The following ADAMTS17 variants were observed in gnomAD, a reference collection of about 807,000 sequenced individuals.
The protein encoded by ADAMTS17 is ADAM metallopeptidase with thrombospondin type 1 motif 17.
In ADAMTS17, 113 loss-of-function variants were observed where a neutral mutation model predicts 141.5. The ratio of observed to expected loss-of-function variants is 0.80; its 90% CI spans 0.69 to 0.93. ADAMTS17 has a LOEUF of 0.93. ADAMTS17 is among the 40% of genes least tolerant of loss of function. The probability of loss-of-function intolerance (pLI) is 0.00; values close to 1 mark genes in which losing one functional copy is unlikely to be tolerated. For missense variants in ADAMTS17, 1,659 were observed against 1,517.9 expected, an observed-to-expected ratio of 1.09 and a Z score of -1.54; for synonymous variants, 768 against 630.6, an observed-to-expected ratio of 1.22 and a Z score of -3.27.
In ADAMTS17 at chr15:100,261,648, CAG is replaced by C; in HGVS notation, c.874-14_874-13del. The C allele has an allele frequency of 1.9e-6, 3 of 1,612,674 alleles. No homozygotes were observed. The highest frequency in any genetic ancestry group is 1.3e-5 in the African/African-American group (1 of 75,018). On this transcript the variant is annotated splice_polypyrimidine_tract_variant and intron_variant, in intron 5 of 21. Coordinates refer to ENST00000268070, the MANE Select transcript of ADAMTS17 (RefSeq NM_139057.4). Reference sequence around the variant, plus strand: ...ATGGACAACTTAGCCTAAAAAAAGTCAGAGGACAGTTAGAGAAACAAACGCCT... The same window carrying C: ...ATGGACAACTTAGCCTAAAAAAAGTCAGGACAGTTAGAGAAACAAACGCCT...
At chr15:100,193,712 C>G (rs2041007351) in intron 8 of ADAMTS17, among the ~76,000 whole-genome samples, 1 of 152,232 alleles carries the variant, frequency 6.6e-6, no homozygotes, top group African/African-American at 2.4e-5. Context: ...ACCATCTACG[C>G]CAAGCTCCCA....
chr15:99,989,027 T>C (rs2117806), intron 20 of ADAMTS17, among the ~76,000 whole-genome samples: 16,156 of 152,240 alleles, frequency 0.11, 2,623 homozygotes, highest in African/African-American at 0.35. Context: ...CAGCCAGGCC[T>C]TGGAGCCCAA....
intron 7 of ADAMTS17, among the ~76,000 whole-genome samples, chr15:100,236,256 GC>G (rs1157901200): frequency 6.9e-6 from 1 of 144,204 alleles, no homozygotes; most frequent in East Asian, 2.0e-4. Context: ...TGAGAGAGGT[GC>G]CCTATATTCA....
chr15:100,107,801 G>T (rs2036499354), intron 14 of ADAMTS17, among the ~76,000 whole-genome samples: 1 of 152,146 alleles, frequency 6.6e-6, no homozygotes, highest in African/African-American at 2.4e-5. Context: ...CCAGCTTCCA[G>T]AACTGTGAGT....
At chr15:100,204,747 C>G (rs145912153) in intron 7 of ADAMTS17, among the ~76,000 whole-genome samples, 5 of 152,274 alleles carry the variant, frequency 3.3e-5, no homozygotes, top group African/African-American at 1.2e-4. Context: ...GCTATAACAT[C>G]AAAAGCACAA....
chr15:100,299,061 C>T (rs368143676), intron 3 of ADAMTS17, among the ~76,000 whole-genome samples: 7 of 152,058 alleles, frequency 4.6e-5, no homozygotes, highest in East Asian at 1.9e-4. Flanking sequence ...CTAAGGACAC[C>T]GGTCATATCA....
chr15:100,267,349 C>T (rs1212817079), intron 4 of ADAMTS17, among the ~76,000 whole-genome samples: 1 of 152,128 alleles, frequency 6.6e-6, no homozygotes, highest in Non-Finnish European at 1.5e-5. Flanking sequence ...TGTATGGACA[C>T]CCCACGTTTT....
At chr15:100,021,201 C>T in intron 18 of ADAMTS17, among the ~76,000 whole-genome samples, 1 of 152,272 alleles carries the variant, frequency 6.6e-6, no homozygotes, top group African/African-American at 2.4e-5. Flanking sequence ...AGCAGGGAGT[C>T]CCACCAGGCC....
intron 7 of ADAMTS17, among the ~76,000 whole-genome samples, chr15:100,205,239 C>T (rs2041490799): frequency 1.3e-5 from 2 of 152,124 alleles, no homozygotes. Flanking sequence ...CTGGAGCAGT[C>T]ACTCCTACAA....
intron 18 of ADAMTS17, among the ~76,000 whole-genome samples, chr15:99,999,424 G>C (rs753124840): frequency 2.0e-5 from 3 of 152,186 alleles, no homozygotes; most frequent in Non-Finnish European, 4.4e-5. Context: ...CATCTCAGGA[G>C]AGCCTGGGAG....
In ADAMTS17 at chr15:99,992,785, G is replaced by A. The variant is rs140665698; in HGVS notation, c.2949+263C>T. On this transcript the variant is annotated intron_variant, in intron 20 of 21. Coordinates refer to ENST00000268070, the MANE Select transcript of ADAMTS17 (RefSeq NM_139057.4). ...GCACCCGCGTCCTGCCTTGGGCTGC[G>A]TTTCGGGTTCCTTCTGCATGCACGT... Among the ~76,000 whole-genome samples, 59 of 152,354 alleles carry A rather than the reference G, an allele frequency of 3.9e-4. 1 individual carries two copies. Among genetic ancestry groups the A allele is most frequent in the Non-Finnish European group, 7.2e-4 (49 of 68,038 alleles).
At chr15:100,188,570 A>C (rs2040807174) in intron 8 of ADAMTS17, among the ~76,000 whole-genome samples, 1 of 152,192 alleles carries the variant, frequency 6.6e-6, no homozygotes, top group Admixed American at 6.5e-5. Flanking sequence ...GTTTCCATAC[A>C]AGTTTGTAAA....
At position 100,022,061 on chromosome 15, in the gene ADAMTS17, C is replaced by G. The variant is rs1005107442; in HGVS notation, c.2592-24472G>C. ...AGAGGCTCAGATCTAGTTCGGGCTC[C>G]CAGGCTAAGTCTTTGTTGACCTTGG... On this transcript the variant is annotated intron_variant, in intron 18 of 21. Transcript: ENST00000268070. Among the ~76,000 whole-genome samples, 8 of 152,286 alleles carry G rather than the reference C, an allele frequency of 5.3e-5. No individual in the cohort carries two copies. The East Asian group carries it at 5.8e-4, about 11-fold the overall frequency.
intron 3 of ADAMTS17, among the ~76,000 whole-genome samples, chr15:100,302,081 C>T (rs2045059517): frequency 1.3e-5 from 2 of 152,160 alleles, no homozygotes; most frequent in Admixed American, 1.3e-4. Context: ...TTCCTCTGTC[C>T]TTCCCCACCC....
intron 8 of ADAMTS17, among the ~76,000 whole-genome samples, chr15:100,169,012 G>A (rs1048827129): frequency 6.6e-6 from 1 of 152,208 alleles, no homozygotes; most frequent in Non-Finnish European, 1.5e-5. Flanking sequence ...CGCGGTGGTG[G>A]TGGGGGCAGG....
At chr15:100,120,914 CA>C (rs1168069040) in intron 12 of ADAMTS17, among the ~76,000 whole-genome samples, 1 of 152,126 alleles carries the variant, frequency 6.6e-6, no homozygotes, top group African/African-American at 2.4e-5. Context: ...CCTTGCTAGA[CA>C]AATACTTTAA....
intron 19 of ADAMTS17, among the ~76,000 whole-genome samples, chr15:99,995,283 C>T (rs1410806145): frequency 6.6e-6 from 1 of 152,246 alleles, no homozygotes; most frequent in Non-Finnish European, 1.5e-5. Flanking sequence ...AACCAGGAAC[C>T]CATGCACCAT....
chr15:100,107,346 T>C (rs1464638867), intron 14 of ADAMTS17, among the ~76,000 whole-genome samples: 3 of 152,058 alleles, frequency 2.0e-5, no homozygotes. Context: ...CACAGTTCTG[T>C]GAGGGCAACG....
chr15:100,333,813 G>A (rs553032947), intron 2 of ADAMTS17, among the ~76,000 whole-genome samples: 3 of 152,360 alleles, frequency 2.0e-5, no homozygotes, highest in East Asian at 3.9e-4. Flanking sequence ...CTATGAGCCT[G>A]TGCCTTAGAC....
Sources: gnomAD v4.1 joint callset for allele counts (sites outside exome capture counted in the v4.1 genomes callset) on GRCh38, gnomAD v4.1.1 for gene constraint, MANE v1.5 for transcripts, NCBI Gene and HGNC (gene_info 2026-07-23, HGNC 2026-07-21) for gene names.